Variants in FANK1 observed in about 807,000 individuals in gnomAD.
FANK1 encodes fibronectin type 3 and ankyrin repeat domains protein 1.
FANK1 carries 44 observed loss-of-function variants against 45.3 expected under a neutral mutation model. The ratio of observed to expected loss-of-function variants is 0.97; its 90% CI spans 0.76 to 1.25. The LOEUF (loss-of-function observed/expected upper bound fraction) is 1.25, where lower values mean the gene tolerates loss of function less well. Ranked by LOEUF, FANK1 falls within the 50% of genes most tolerant of loss-of-function variation. The probability of loss-of-function intolerance (pLI) is 0.00; values close to 1 mark genes in which losing one functional copy is unlikely to be tolerated. For missense variants in FANK1, 391 were observed against 424.4 expected (o/e 0.92, Z 0.69); for synonymous variants, 149 against 152.5 (o/e 0.98, Z 0.17).
intron 1 of FANK1, among the ~76,000 whole-genome samples, chr10:125,969,386 C>G (rs1420367355): frequency 6.7e-6 from 1 of 150,336 alleles, no homozygotes; most frequent in Non-Finnish European, 1.5e-5. Context: ...AGATCTGAGA[C>G]TTACTTATGA....
At chr10:125,914,161 A>G (rs1231933797) in intron 1 of FANK1, among the ~76,000 whole-genome samples, 1 of 152,116 alleles carries the variant, frequency 6.6e-6, no homozygotes, top group Non-Finnish European at 1.5e-5. Flanking sequence ...TCCTATGGAC[A>G]TTAGATTTTT....
chr10:125,909,911 TC>T (rs1192472665), intron 1 of FANK1, among the ~76,000 whole-genome samples: 1 of 152,058 alleles, frequency 6.6e-6, no homozygotes, highest in African/African-American at 2.4e-5. Context: ...GTTAGTCACA[TC>T]CCACAAGTTT....
chr10:125,999,452 T>A (rs10901505), intron 6 of FANK1, among the ~76,000 whole-genome samples: 89,633 of 152,012 alleles, frequency 0.59, 27,736 homozygotes, highest in Non-Finnish European at 0.68. Context: ...AAAGTGAAGG[T>A]TACTTTCAGC....
chr10:125,997,073 G>GA (rs1303193813), intron 5 of FANK1, among the ~76,000 whole-genome samples: 7 of 151,832 alleles, frequency 4.6e-5, no homozygotes, highest in African/African-American at 1.2e-4. Context: ...AATGCCATTT[G>GA]AAAAAAACAG....
At position 125,967,419 on chromosome 10, in the gene FANK1, T is replaced by G. The variant is rs1029575748; in HGVS notation, c.14-12742T>G. ...GATTAAATAGTATATGTAAAGAGTT[T>G]AGAACACTCATACAAAGTCTTGTGA... On this transcript the variant is annotated intron_variant, in intron 1 of 10. Transcript: ENST00000368693. 5.3e-4 allele frequency among the ~76,000 whole-genome samples: 80 copies of G among 152,176 alleles called. 5 individuals are homozygous for G. Among genetic ancestry groups the G allele is most frequent in the Admixed American group, 5.2e-3 (79 of 15,282 alleles).
rs1379735515 is a variant in FANK1 at position 125,988,592 on chromosome 10, G to A, written c.233G>A (p.Arg78Lys). 9 of 1,614,094 alleles carry A rather than the reference G, an allele frequency of 5.6e-6. No individual in the cohort carries two copies. The Admixed American group carries it at 8.3e-5, about 15-fold the overall frequency. ...TKHVVEGLEP[R>K]TLYRFRLKVT... ...CATGTTGTTGAAGGTCTGGAACCAA[G>A]GACGCTGTACAGATTTCGCCTGAAG... is the stretch of plus-strand genomic sequence containing the variant. Residue 78 changes from arginine (R) to lysine (K), a missense_variant, in exon 3 of 11, where the codon AGG becomes AAG. Coordinates refer to ENST00000368693, the MANE Select transcript of FANK1 (RefSeq NM_145235.5).
At chr10:126,008,980 C>T (rs41314422) in intron 8 of FANK1, 74 bp from the exon 9 acceptor site, 19,554 of 1,442,386 alleles carry the variant, frequency 0.014, 166 homozygotes, top group Non-Finnish European at 0.017. Flanking sequence ...CTGCATGTGC[C>T]AGGCTCATGC....
chr10:125,989,511 A>G, intron 3 of FANK1: 1 of 806,640 alleles, frequency 1.2e-6, no homozygotes, highest in Non-Finnish European at 2.1e-6. Context: ...AGTTTTGTGT[A>G]GACTAAAGTT....
intron 1 of FANK1, among the ~76,000 whole-genome samples, chr10:125,968,777 G>T (rs1438797847): frequency 1.3e-5 from 2 of 151,974 alleles, no homozygotes; most frequent in African/African-American, 2.4e-5. Flanking sequence ...TTGTGTAGTG[G>T]TTTACATAAA....
intron 1 of FANK1, among the ~76,000 whole-genome samples, chr10:125,918,207 G>C (rs1203476012): frequency 1.1e-4 from 16 of 152,300 alleles, no homozygotes; most frequent in Non-Finnish European, 2.1e-4. Context: ...ATGGATGGTG[G>C]TGATGGTTGT....
At chr10:125,996,527 C>T (rs1401338568) in intron 4 of FANK1, 23 bp from the exon 5 acceptor site, 2 of 1,613,170 alleles carry the variant, frequency 1.2e-6, no homozygotes, top group South Asian at 2.2e-5. Context: ...GCATGTTTAT[C>T]TCTTTTCTCT....
At chr10:125,937,195 A>G (rs1948160695) in intron 1 of FANK1, among the ~76,000 whole-genome samples, 1 of 152,210 alleles carries the variant, frequency 6.6e-6, no homozygotes, top group Non-Finnish European at 1.5e-5. Flanking sequence ...TATGTATGTG[A>G]CTGACTTTGG....
chr10:126,009,305 G>T (rs200854072), intron 10 of FANK1, 39 bp downstream of exon 10: 1 of 1,613,922 alleles, frequency 6.2e-7, no homozygotes, highest in Admixed American at 1.7e-5. Context: ...CTAATTTTTA[G>T]TCCTTCTAGA....
At chr10:125,972,074 C>T (rs1444882776) in intron 1 of FANK1, 1 of 152,170 alleles carries the variant, frequency 6.6e-6, no homozygotes, top group Non-Finnish European at 1.5e-5. Flanking sequence ...TGTAACTTCT[C>T]TGTGCCTCAG....
At chr10:125,984,101 C>T (rs993434738) in intron 2 of FANK1, among the ~76,000 whole-genome samples, 5 of 152,166 alleles carry the variant, frequency 3.3e-5, no homozygotes, top group East Asian at 3.9e-4. Context: ...TGGTAGCCAG[C>T]ACAGGCCCAG....
intron 1 of FANK1, among the ~76,000 whole-genome samples, chr10:125,902,272 T>TA (rs1035166810): frequency 6.6e-6 from 1 of 152,168 alleles, no homozygotes; most frequent in Non-Finnish European, 1.5e-5. Flanking sequence ...AATAATTAAA[T>TA]AAAAAATTCT....
At position 125,988,647 on chromosome 10, in the gene FANK1, C is replaced by T. The variant is rs1243258844; in HGVS notation, c.288C>T (p.Tyr96=). Residue 96 remains tyrosine (Y), a synonymous_variant, in exon 3 of 11, where the codon TAC becomes TAT. Coordinates refer to ENST00000368693, the MANE Select transcript of FANK1 (RefSeq NM_145235.5). ...KVTSPSGECE[Y]SPLVSVSTTR... ...CCAGCCCCTCTGGGGAGTGTGAGTA[C>T]AGCCCACTCGTCTCAGTGTCTACAA... The T allele has an allele frequency of 2.5e-6, 4 of 1,614,100 alleles. No individual in the cohort carries two copies. The East Asian group carries it at 8.9e-5, about 36-fold the overall frequency.
At chr10:125,982,987 C>G (rs112452218) in intron 2 of FANK1, among the ~76,000 whole-genome samples, 1 of 149,094 alleles carries the variant, frequency 6.7e-6, no homozygotes, top group South Asian at 2.1e-4. Context: ...GTCACATTGT[C>G]TTTGGTGGGT....
chr10:125,945,309 C>T (rs977040500), intron 1 of FANK1, among the ~76,000 whole-genome samples: 4 of 152,168 alleles, frequency 2.6e-5, no homozygotes, highest in East Asian at 1.9e-4. Context: ...ACGCAGAAGA[C>T]GGGTGATTTC....
Sources: gnomAD v4.1 joint callset for allele counts (sites outside exome capture counted in the v4.1 genomes callset) on GRCh38, gnomAD v4.1.1 for gene constraint, MANE v1.5 for transcripts, NCBI Gene and HGNC (gene_info 2026-07-23, HGNC 2026-07-21) for gene names.